The following EPHB1 variants were observed in gnomAD, a reference collection of about 807,000 sequenced individuals.
EPHB1 encodes EPH receptor B1, also known as ephrin type-B receptor 1.
A neutral mutation model predicts 94.4 loss-of-function variants in EPHB1; 30 were observed. The observed-to-expected ratio is 0.32, with a 90% CI of 0.24 to 0.43. The LOEUF (loss-of-function observed/expected upper bound fraction) is 0.43, where lower values mean the gene tolerates loss of function less well. EPHB1 is among the 20% of genes least tolerant of loss of function. The pLI, the probability that EPHB1 is intolerant of heterozygous loss-of-function variation, is 1.00. For synonymous variants in EPHB1, 522 were observed against 489.1 expected (o/e 1.07, Z -0.89); for missense variants, 1,055 against 1,308.3 (o/e 0.81, Z 2.99).
At chr3:135,111,851 T>G (rs1449363107) in intron 4 of EPHB1, among the ~76,000 whole-genome samples, 1 of 152,102 alleles carries the variant, frequency 6.6e-6, no homozygotes, top group Non-Finnish European at 1.5e-5. Flanking sequence ...GGCTAATTTT[T>G]GTATTTTTAG....
chr3:135,177,987 A>C (rs149066463), intron 9 of EPHB1, among the ~76,000 whole-genome samples: 1 of 152,280 alleles, frequency 6.6e-6, no homozygotes, highest in Non-Finnish European at 1.5e-5. Context: ...AGGATCTCTC[A>C]ATTTCCTTTG....
intron 3 of EPHB1, among the ~76,000 whole-genome samples, chr3:135,043,807 A>G (rs932778065): frequency 6.6e-6 from 1 of 152,216 alleles, no homozygotes; most frequent in Non-Finnish European, 1.5e-5. Flanking sequence ...CTTGGGAAGG[A>G]AGAAGCAGGA....
chr3:135,176,114 G>A (rs139318712), intron 9 of EPHB1, among the ~76,000 whole-genome samples: 25 of 152,194 alleles, frequency 1.6e-4, no homozygotes, highest in Admixed American at 1.6e-3. Context: ...AGGAAGATGC[G>A]TCATTCTGAG....
At chr3:135,226,152 G>A (rs1196026291) in intron 12 of EPHB1, among the ~76,000 whole-genome samples, 1 of 152,222 alleles carries the variant, frequency 6.6e-6, no homozygotes, top group Non-Finnish European at 1.5e-5. Context: ...GGGGACAGCT[G>A]TGGGCAGCTT....
At chr3:135,110,529 A>G (rs1939398933) in intron 4 of EPHB1, among the ~76,000 whole-genome samples, 1 of 152,118 alleles carries the variant, frequency 6.6e-6, no homozygotes, top group Non-Finnish European at 1.5e-5. Context: ...AGCCTTTTGG[A>G]ACACGAGCTT....
intron 4 of EPHB1, among the ~76,000 whole-genome samples, chr3:135,117,334 C>G (rs966153879): frequency 1.3e-5 from 2 of 152,232 alleles, no homozygotes; most frequent in African/African-American, 2.4e-5. Flanking sequence ...TTCTGAGAAG[C>G]TTTCCCCACA....
rs528557036 is a variant in EPHB1, at chr3:135,233,555, C to T, written c.2347-7593C>T. Among the ~76,000 whole-genome samples the T allele has an allele frequency of 3.3e-3, 497 of 152,278 alleles. 1 individual carries two copies. The highest frequency in any genetic ancestry group is 5.2e-3 in the Non-Finnish European group (356 of 68,026). The stretch of plus-strand genomic sequence containing the variant: ...CCAGGTGTACAGTGCAAGCTGTTGG[C>T]GGATCTACCATTCTAGGGTCTGGAG... On this transcript the variant is annotated intron_variant, in intron 12 of 15. Transcript: ENST00000398015.
chr3:135,170,691 T>C (rs1361646382), intron 9 of EPHB1, among the ~76,000 whole-genome samples: 1 of 152,140 alleles, frequency 6.6e-6, no homozygotes, highest in East Asian at 1.9e-4. Context: ...AGAATCTATC[T>C]TGAAAAAAGT....
chr3:134,970,793 AG>A (rs1448340318), intron 3 of EPHB1, among the ~76,000 whole-genome samples: 3 of 152,228 alleles, frequency 2.0e-5, no homozygotes, highest in African/African-American at 7.2e-5. Flanking sequence ...CACGTTCATC[AG>A]GCAAAACAGG....
At chr3:134,910,080 G>T (rs1258308031) in intron 1 of EPHB1, among the ~76,000 whole-genome samples, 20 of 152,240 alleles carry the variant, frequency 1.3e-4, no homozygotes, top group Non-Finnish European at 1.6e-4. Flanking sequence ...CTAAGGGAAT[G>T]ATTCCATAAA....
At chr3:135,160,352 C>T (rs1458059343) in intron 6 of EPHB1, among the ~76,000 whole-genome samples, 1 of 152,168 alleles carries the variant, frequency 6.6e-6, no homozygotes, top group Non-Finnish European at 1.5e-5. Flanking sequence ...CATATATTTA[C>T]ATAAAATATA....
chr3:135,110,987 G>A (rs1939420076), intron 4 of EPHB1, among the ~76,000 whole-genome samples: 1 of 152,208 alleles, frequency 6.6e-6, no homozygotes, highest in South Asian at 2.1e-4. Flanking sequence ...GGTGGATGGA[G>A]AAGAGTGCAT....
At chr3:135,244,765 G>A (rs1206768565) in intron 13 of EPHB1, among the ~76,000 whole-genome samples, 5 of 152,094 alleles carry the variant, frequency 3.3e-5, no homozygotes, top group Admixed American at 6.5e-5. Flanking sequence ...TAGAAAACAC[G>A]CATATCCTAA....
chr3:135,151,441 G>T (rs1314700734), intron 5 of EPHB1, among the ~76,000 whole-genome samples: 1 of 152,028 alleles, frequency 6.6e-6, no homozygotes, highest in Non-Finnish European at 1.5e-5. Context: ...TGCTTCTCAG[G>T]CAGCCTTCCC....
At chr3:135,032,430 C>G (rs537316899) in intron 3 of EPHB1, among the ~76,000 whole-genome samples, 26 of 152,158 alleles carry the variant, frequency 1.7e-4, no homozygotes, top group African/African-American at 6.3e-4. Context: ...TGTTCCATCT[C>G]TCTGAGGATA....
Position 135,259,272 on chromosome 3 carries a change from C to T in EPHB1, c.*152C>T. 4 of 559,106 alleles carry T rather than the reference C, an allele frequency of 7.2e-6. No individual in the cohort carries two copies. Among genetic ancestry groups the T allele is most frequent in the Non-Finnish European group, 1.2e-5 (4 of 320,524 alleles). 34.6% of individuals were successfully genotyped at this position (559,106 alleles called of 1,614,324 possible). ...AAGAATCAACCGGACCTGTTGCTAG[C>T]AGGCAATCTCCATTTCTCAGTGACA... On this transcript the variant is annotated 3_prime_UTR_variant, in exon 16 of 16. Transcript: ENST00000398015.
intron 1 of EPHB1, among the ~76,000 whole-genome samples, chr3:134,879,923 T>C (rs561442736): frequency 3.3e-5 from 5 of 152,084 alleles, no homozygotes; most frequent in Non-Finnish European, 7.4e-5. Context: ...AAAAAAACGA[T>C]CAACATACCC....
rs573905120 is a variant in EPHB1 at position 134,843,384 on chromosome 3, A to C, written c.58+47695A>C. 4.6e-5 allele frequency among the ~76,000 whole-genome samples: 7 copies of C among 152,238 alleles called. No individual in the cohort carries two copies. The East Asian group carries it at 1.3e-3, about 29-fold the overall frequency. On this transcript the variant is annotated intron_variant, in intron 1 of 15. Coordinates refer to ENST00000398015, the MANE Select transcript of EPHB1 (RefSeq NM_004441.5). ...AATCTCCTCGTATTACCCTAGTTGGAGTTCATTGGGATTTTTGGACTTGTG... is the reference window on the plus strand; with the variant it reads ...AATCTCCTCGTATTACCCTAGTTGGCGTTCATTGGGATTTTTGGACTTGTG...
intron 12 of EPHB1, among the ~76,000 whole-genome samples, chr3:135,222,392 T>A (rs1300060863): frequency 1.3e-5 from 2 of 152,048 alleles, no homozygotes; most frequent in African/African-American, 2.4e-5. Context: ...AATGGGGGAG[T>A]GATGCCAGTA....
Sources: allele counts gnomAD v4.1 joint callset (sites outside exome capture counted in the v4.1 genomes callset), GRCh38; gene constraint gnomAD v4.1.1; transcripts MANE v1.5; gene names NCBI Gene and HGNC (gene_info 2026-07-23, HGNC 2026-07-21).